ADAMTS16: variants seen among roughly 807,000 people sequenced by gnomAD.
ADAMTS16 encodes A disintegrin and metalloproteinase with thrombospondin motifs 16.
A neutral mutation model predicts 145.8 loss-of-function variants in ADAMTS16; 94 were observed. The ratio of observed to expected loss-of-function variants is 0.64; its 90% CI spans 0.55 to 0.77. The LOEUF (loss-of-function observed/expected upper bound fraction) is 0.77, where lower values mean the gene tolerates loss of function less well. Ranked by LOEUF, ADAMTS16 falls within the 30% of genes least tolerant of loss-of-function variation. The pLI is 0.00. For synonymous variants in ADAMTS16, 659 were observed against 604.3 expected, an observed-to-expected ratio of 1.09 and a Z score of -1.33; for missense variants, 1,585 against 1,591.5, an observed-to-expected ratio of 1.00 and a Z score of 0.07.
chr5:5,296,070 T>C (rs916901543), intron 18 of ADAMTS16, among the ~76,000 whole-genome samples: 2 of 152,188 alleles, frequency 1.3e-5, no homozygotes, highest in African/African-American at 4.8e-5. Flanking sequence ...ACTTTTCAGA[T>C]ATCTGTATTT....
intron 2 of ADAMTS16, among the ~76,000 whole-genome samples, chr5:5,143,379 A>C (rs1200194536): frequency 6.6e-6 from 1 of 152,232 alleles, no homozygotes; most frequent in Non-Finnish European, 1.5e-5. Flanking sequence ...TATGAAAAAA[A>C]CCTCATCATC....
At chr5:5,161,607 C>A (rs904759384) in intron 3 of ADAMTS16, among the ~76,000 whole-genome samples, 2 of 152,188 alleles carry the variant, frequency 1.3e-5, no homozygotes, top group African/African-American at 4.8e-5. Flanking sequence ...TGGATAATTT[C>A]TTTTGTGATG....
At chr5:5,141,234 C>G (rs1250911858) in intron 2 of ADAMTS16, among the ~76,000 whole-genome samples, 1 of 152,154 alleles carries the variant, frequency 6.6e-6, no homozygotes, top group African/African-American at 2.4e-5. Flanking sequence ...ATAAAAGAAG[C>G]GCTTAGCATC....
intron 10 of ADAMTS16, among the ~76,000 whole-genome samples, chr5:5,209,849 A>G (rs974782852): frequency 6.6e-6 from 1 of 152,200 alleles, no homozygotes; most frequent in Non-Finnish European, 1.5e-5. Flanking sequence ...AGGAAAAGCT[A>G]CCCATAAATT....
At position 5,241,115 on chromosome 5, in the gene ADAMTS16, TC is replaced by T. The variant is rs560530829; in HGVS notation, c.2524-937del. Among the ~76,000 whole-genome samples the T allele has an allele frequency of 1.1e-3, 172 of 151,692 alleles. 1 individual carries two copies. Among genetic ancestry groups the T allele is most frequent in the Non-Finnish European group, 1.8e-3 (119 of 67,894 alleles). ...CACCACTGAGACTGGAGCTGTGTCATCAAGCAGAGGGTGGAGCATGGGGCCA... is the reference window on the plus strand; with the variant it reads ...CACCACTGAGACTGGAGCTGTGTCATAAGCAGAGGGTGGAGCATGGGGCCA... On this transcript the variant is annotated intron_variant, in intron 16 of 22. Transcript: ENST00000274181.
In ADAMTS16 at chr5:5,317,821, G is replaced by T. The variant is rs922068202; in HGVS notation, c.3412-313G>T. 6.6e-6 allele frequency among the ~76,000 whole-genome samples: 1 copy of T among 150,582 alleles called. No individual in the cohort carries two copies. The highest frequency in any genetic ancestry group is 1.5e-5 in the Non-Finnish European group (1 of 67,600). ...CCCAGCCTGAGCAAGTCCTGTCACC[G>T]CTCAAGGCTCAAGGCTGTCTTCTAT... On this transcript the variant is annotated intron_variant, in intron 21 of 22. Transcript: ENST00000274181. The surrounding 1 kb of genome is among the most constrained non-coding windows in gnomAD (Gnocchi z 4.5).
At chr5:5,156,019 G>A (rs1734591385) in intron 3 of ADAMTS16, among the ~76,000 whole-genome samples, 1 of 152,186 alleles carries the variant, frequency 6.6e-6, no homozygotes, top group Non-Finnish European at 1.5e-5. Flanking sequence ...ACAAGGAACA[G>A]ACAGGAAGTG....
intron 9 of ADAMTS16, among the ~76,000 whole-genome samples, chr5:5,208,265 G>C (rs1261625179): frequency 6.6e-6 from 1 of 152,176 alleles, no homozygotes; most frequent in African/African-American, 2.4e-5. Context: ...TCAGAGCCAA[G>C]TTTGGAGGAT....
intron 10 of ADAMTS16, among the ~76,000 whole-genome samples, chr5:5,213,755 C>T (rs1388204281): frequency 6.6e-6 from 1 of 152,086 alleles, no homozygotes; most frequent in African/African-American, 2.4e-5. Flanking sequence ...CTGTGTGAGC[C>T]AAAACTCTAG....
intron 8 of ADAMTS16, among the ~76,000 whole-genome samples, chr5:5,193,219 G>A (rs530872249): frequency 6.6e-6 from 1 of 152,088 alleles, no homozygotes; most frequent in African/African-American, 2.4e-5. Context: ...ACATGTGCTT[G>A]TGTTTAATGG....
At chr5:5,187,830 C>G (rs747481430) in intron 6 of ADAMTS16, 22 bp downstream of exon 6, 1 of 1,451,562 alleles carries the variant, frequency 6.9e-7, no homozygotes, top group Admixed American at 1.7e-5. Flanking sequence ...TTGAAACTAT[C>G]TACTCTTTTT....
At chr5:5,286,102 G>T (rs1739090565) in intron 18 of ADAMTS16, among the ~76,000 whole-genome samples, 1 of 152,174 alleles carries the variant, frequency 6.6e-6, no homozygotes, top group African/African-American at 2.4e-5. Context: ...TGCTACATGG[G>T]TTGGCTGCTT....
chr5:5,256,659 A>G (rs910050448), intron 17 of ADAMTS16, among the ~76,000 whole-genome samples: 11 of 152,238 alleles, frequency 7.2e-5, no homozygotes, highest in African/African-American at 2.7e-4. Context: ...TTCTATTTCA[A>G]AGCAAAACAG....
chr5:5,291,926 G>A (rs1270326120), intron 18 of ADAMTS16, among the ~76,000 whole-genome samples: 1 of 152,164 alleles, frequency 6.6e-6, no homozygotes, highest in African/African-American at 2.4e-5. Flanking sequence ...AATTGAGGAG[G>A]GTGACGTTCA....
intron 3 of ADAMTS16, among the ~76,000 whole-genome samples, chr5:5,167,597 G>A (rs1243351633): frequency 2.0e-5 from 3 of 152,198 alleles, no homozygotes; most frequent in Non-Finnish European, 2.9e-5. Context: ...TTAGAAGGTC[G>A]CTAGTGAGTG....
chr5:5,278,610 C>T (rs1738786072), intron 18 of ADAMTS16, among the ~76,000 whole-genome samples: 1 of 152,170 alleles, frequency 6.6e-6, no homozygotes, highest in Non-Finnish European at 1.5e-5. Context: ...ATATCAACTT[C>T]ATGGATTCAT....
At chr5:5,217,461 T>A (rs1011980138) in intron 10 of ADAMTS16, among the ~76,000 whole-genome samples, 1 of 152,218 alleles carries the variant, frequency 6.6e-6, no homozygotes, top group Non-Finnish European at 1.5e-5. Context: ...TGTCCAATGT[T>A]ATCTTCTAGA....
chr5:5,186,709 T>G (rs1053396040), intron 5 of ADAMTS16, among the ~76,000 whole-genome samples: 3 of 152,204 alleles, frequency 2.0e-5, no homozygotes, highest in Non-Finnish European at 2.9e-5. Context: ...AAGTGCAACC[T>G]TTTAGAATAT....
chr5:5,147,824 C>A (rs1277406724), intron 3 of ADAMTS16, among the ~76,000 whole-genome samples: 2 of 152,190 alleles, frequency 1.3e-5, no homozygotes, highest in African/African-American at 4.8e-5. Context: ...GTGTGCCTTG[C>A]CCTTTACACT....
Sources: allele counts gnomAD v4.1 joint callset (sites outside exome capture counted in the v4.1 genomes callset), GRCh38; gene constraint gnomAD v4.1.1; non-coding constraint Gnocchi (gnomAD v3.1); transcripts MANE v1.5; gene names NCBI Gene and HGNC (gene_info 2026-07-23, HGNC 2026-07-21).